The following NPLOC4 variants were observed in gnomAD, a reference collection of about 807,000 sequenced individuals.
NPLOC4 encodes NPL4 homolog, ubiquitin recognition factor, also known as nuclear protein localization protein 4 homolog.
In NPLOC4, 18 loss-of-function variants were observed where a neutral mutation model predicts 80.6. That is an observed-to-expected ratio of 0.22 (90% confidence interval 0.15 to 0.33). The LOEUF is 0.33. Ranked by LOEUF, NPLOC4 falls within the 10% of genes least tolerant of loss-of-function variation. NPLOC4 has a pLI of 1.00. For missense variants in NPLOC4, 540 were observed against 786.1 expected, an observed-to-expected ratio of 0.69 and a Z score of 3.74; for synonymous variants, 313 against 301.5, an observed-to-expected ratio of 1.04 and a Z score of -0.39.
chr17:81,607,052 T>G (rs1439993344), intron 6 of NPLOC4, among the ~76,000 whole-genome samples: 1 of 152,166 alleles, frequency 6.6e-6, no homozygotes, highest in Non-Finnish European at 1.5e-5. Flanking sequence ...ACACAACTAC[T>G]TTCCTACCAA....
chr17:81,615,877 AGGCCTGCTG>A (rs1055321511), intron 3 of NPLOC4, among the ~76,000 whole-genome samples: 4 of 152,210 alleles, frequency 2.6e-5, no homozygotes, highest in African/African-American at 9.6e-5. Context: ...CTGTAACTAA[AGGCCTGCTG>A]GGCCATGCAT....
chr17:81,619,792 T>A (rs1375094078), intron 3 of NPLOC4, among the ~76,000 whole-genome samples: 6 of 148,792 alleles, frequency 4.0e-5, no homozygotes, highest in Non-Finnish European at 7.4e-5. Context: ...GGCAGGAGAA[T>A]CGCTTGAACC....
chr17:81,565,666 C>G, intron 15 of NPLOC4, 59 bp from the exon 16 acceptor site: 1 of 1,297,122 alleles, frequency 7.7e-7, no homozygotes, highest in South Asian at 1.4e-5. Context: ...CAGCTTCCTG[C>G]TAGAACAGGT....
intron 12 of NPLOC4, among the ~76,000 whole-genome samples, chr17:81,578,465 G>A (rs748269043): frequency 6.6e-6 from 1 of 152,158 alleles, no homozygotes; most frequent in African/African-American, 2.4e-5. Context: ...TAAACGGTAC[G>A]ACTGGTCCGT....
rs145999146 is a variant in NPLOC4, at chr17:81,586,031, T to C, written c.1281+2913A>G. On this transcript the variant is annotated intron_variant, in intron 12 of 16. Coordinates refer to ENST00000331134, the MANE Select transcript of NPLOC4 (RefSeq NM_017921.4). ...CAGGCACAGTGTCTCATGCATGTAA[T>C]CCCAGCACTCTGTGAGGCTGAGGTG... 5.5e-3 allele frequency among the ~76,000 whole-genome samples: 836 copies of C among 152,138 alleles called. 11 individuals carry two copies. Among genetic ancestry groups the C allele is most frequent in the African/African-American group, 0.019 (782 of 41,504 alleles).
chr17:81,559,435 A>T lies in NPLOC4; in HGVS notation c.1670-19T>A, dbSNP rs763483716. On this transcript the variant is annotated intron_variant, in intron 16 of 16. Coordinates refer to ENST00000331134, the MANE Select transcript of NPLOC4 (RefSeq NM_017921.4). ...ACTGTGCCTGCAGGGTGGAAGAGAA[A>T]TGAGCACTCATCATTTCTGGCCCAC... 8.1e-6 allele frequency: 13 copies of T among 1,600,318 alleles called. No homozygotes were observed. Among genetic ancestry groups the T allele is most frequent in the Non-Finnish European group, 1.1e-5 (13 of 1,173,070 alleles).
intron 5 of NPLOC4, among the ~76,000 whole-genome samples, chr17:81,609,254 A>G (rs2035282897): frequency 6.6e-6 from 1 of 152,152 alleles, no homozygotes; most frequent in South Asian, 2.1e-4. Context: ...TCCTGACCTC[A>G]TGATCCACCC....
At chr17:81,579,873 C>A (rs951005872) in intron 12 of NPLOC4, among the ~76,000 whole-genome samples, 26 of 128,226 alleles carry the variant, frequency 2.0e-4, no homozygotes, top group Non-Finnish European at 4.6e-4. Flanking sequence ...TGTGAGCTCA[C>A]CCCCCATTCT....
intron 8 of NPLOC4, among the ~76,000 whole-genome samples, chr17:81,602,956 T>C (rs1377946990): frequency 1.4e-5 from 2 of 142,192 alleles, no homozygotes; most frequent in Admixed American, 7.5e-5. Flanking sequence ...CACACATATA[T>C]ATACACACAT....
At position 81,565,623 on chromosome 17, in the gene NPLOC4, A is replaced by G; in HGVS notation, c.1567-16T>C. Reference sequence around the variant, plus strand: ...TGATGCTGTCCTACAAGAAGCCAAAAGGAAGGTTCCTCTTCGCTGTGCCTA... The same window carrying G: ...TGATGCTGTCCTACAAGAAGCCAAAGGGAAGGTTCCTCTTCGCTGTGCCTA... On this transcript the variant is annotated splice_polypyrimidine_tract_variant and intron_variant, in intron 15 of 16. Coordinates refer to ENST00000331134, the MANE Select transcript of NPLOC4 (RefSeq NM_017921.4). The G allele has an allele frequency of 6.5e-7, 1 of 1,532,420 alleles. No homozygotes were observed. 94.9% of individuals were successfully genotyped at this position (1,532,420 alleles called of 1,614,324 possible).
intron 12 of NPLOC4, among the ~76,000 whole-genome samples, chr17:81,575,457 C>A (rs2034273888): frequency 2.0e-5 from 3 of 152,234 alleles, no homozygotes; most frequent in African/African-American, 7.2e-5. Context: ...TGTGCAACGA[C>A]TGGATGCACA....
At chr17:81,612,634 C>T (rs1189812306) in intron 4 of NPLOC4, 1 of 152,226 alleles carries the variant, frequency 6.6e-6, no homozygotes, top group Non-Finnish European at 1.5e-5. Context: ...GACCCCACTG[C>T]AGAGACAACC....
At chr17:81,609,685 CA>C (rs1304134042) in intron 5 of NPLOC4, among the ~76,000 whole-genome samples, 3 of 152,284 alleles carry the variant, frequency 2.0e-5, no homozygotes, top group Middle Eastern at 3.4e-3. Context: ...CGCTCTAAGT[CA>C]AATGAGTTTC....
intron 1 of NPLOC4, among the ~76,000 whole-genome samples, chr17:81,631,016 T>C (rs1191055389): frequency 6.6e-6 from 1 of 150,584 alleles, no homozygotes; most frequent in Non-Finnish European, 1.5e-5. Flanking sequence ...CTACTAAAAA[T>C]ACAAAAATTA....
intron 15 of NPLOC4, among the ~76,000 whole-genome samples, chr17:81,566,098 C>A (rs554760055): frequency 6.6e-6 from 1 of 152,290 alleles, no homozygotes; most frequent in South Asian, 2.1e-4. Flanking sequence ...CTTTCAGAGG[C>A]AGAGGCAGAC....
At chr17:81,568,810 G>A (rs2034082483) in intron 14 of NPLOC4, among the ~76,000 whole-genome samples, 1 of 152,252 alleles carries the variant, frequency 6.6e-6, no homozygotes, top group Non-Finnish European at 1.5e-5. Flanking sequence ...AGGACGTCAG[G>A]GGATTAGCCT....
At chr17:81,630,062 A>AAT (rs1334154675) in intron 1 of NPLOC4, among the ~76,000 whole-genome samples, 1 of 151,568 alleles carries the variant, frequency 6.6e-6, no homozygotes, top group Non-Finnish European at 1.5e-5. Context: ...TTTAATTCCT[A>AAT]ATCACTATTT....
intron 16 of NPLOC4, among the ~76,000 whole-genome samples, chr17:81,561,391 T>C (rs1395963539): frequency 6.6e-6 from 1 of 152,218 alleles, no homozygotes; most frequent in Non-Finnish European, 1.5e-5. Flanking sequence ...TAATACTGCG[T>C]CCCCCATTGG....
In NPLOC4 at chr17:81,600,313, C is replaced by T. The variant is rs369540799; in HGVS notation, c.921+28G>A. On this transcript the variant is annotated intron_variant, in intron 9 of 16. Coordinates refer to ENST00000331134, the MANE Select transcript of NPLOC4 (RefSeq NM_017921.4). Reference sequence around the variant, plus strand: ...TGCCCAACAGAGCCTGGCCACGCCCCCTGCTTGGCTGCCGGATGCCTCAGT... The same window carrying T: ...TGCCCAACAGAGCCTGGCCACGCCCTCTGCTTGGCTGCCGGATGCCTCAGT... 45 of 1,567,266 alleles carry T rather than the reference C, an allele frequency of 2.9e-5. 1 individual carries two copies. In the South Asian group the frequency reaches 4.8e-4, roughly 17 times the overall value.
Sources: allele counts gnomAD v4.1 joint callset (sites outside exome capture counted in the v4.1 genomes callset), GRCh38; gene constraint gnomAD v4.1.1; transcripts MANE v1.5; gene names NCBI Gene and HGNC (gene_info 2026-07-23, HGNC 2026-07-21).